Variants in SNTG1 observed in about 807,000 individuals in gnomAD.
SNTG1 encodes the protein gamma-1-syntrophin.
SNTG1 carries 39 observed loss-of-function variants against 74.7 expected under a neutral mutation model. The observed-to-expected ratio is 0.52, with a 90% CI of 0.40 to 0.68. The LOEUF is 0.68. Among genes scored for constraint, SNTG1 ranks in the 30% least tolerant of loss-of-function variants. The pLI is 0.00. For synonymous variants in SNTG1, 254 were observed against 217.1 expected (o/e 1.17, Z -1.49); for missense variants, 685 against 609.5 (o/e 1.12, Z -1.30).
In SNTG1 at chr8:49,937,356, C is replaced by T. The variant is rs1019303838; in HGVS notation, c.-103+25125C>T. ...GAGAAAGGGATGACATAGAGGCCTG[C>T]GGGGACTTTTAGGGGTGGGGTTCAG... is the stretch of plus-strand genomic sequence containing the variant. On this transcript the variant is annotated intron_variant, in intron 1 of 18. Transcript: ENST00000642720. 4.6e-5 allele frequency among the ~76,000 whole-genome samples: 7 copies of T among 152,208 alleles called. 1 individual carries two copies. Among genetic ancestry groups the T allele is most frequent in the Middle Eastern group, 3.4e-3 (1 of 294 alleles).
chr8:50,755,152 T>G (rs1409648928), intron 18 of SNTG1, among the ~76,000 whole-genome samples: 1 of 151,794 alleles, frequency 6.6e-6, no homozygotes, highest in Non-Finnish European at 1.5e-5. Flanking sequence ...AGTTGACTCT[T>G]GGTGTTGCAT....
chr8:50,138,293 T>G (rs1173989499), intron 1 of SNTG1, among the ~76,000 whole-genome samples: 2 of 151,894 alleles, frequency 1.3e-5, no homozygotes, highest in Non-Finnish European at 2.9e-5. Context: ...TAATTCAGCA[T>G]GATGCCACTG....
intron 2 of SNTG1, among the ~76,000 whole-genome samples, chr8:50,295,793 G>A (rs1332653829): frequency 6.6e-6 from 1 of 152,134 alleles, no homozygotes; most frequent in Non-Finnish European, 1.5e-5. Context: ...CATATGATGT[G>A]TACTGAACAT....
intron 2 of SNTG1, among the ~76,000 whole-genome samples, chr8:50,192,134 A>G (rs1247856368): frequency 6.6e-6 from 1 of 152,152 alleles, no homozygotes; most frequent in Non-Finnish European, 1.5e-5. Flanking sequence ...TGAGTGCAGC[A>G]CAAGAAAGCC....
intron 1 of SNTG1, among the ~76,000 whole-genome samples, chr8:50,070,217 G>A (rs543792778): frequency 6.6e-6 from 1 of 152,170 alleles, no homozygotes; most frequent in East Asian, 1.9e-4. Context: ...TAGCTCAGAC[G>A]TGTTATTCAA....
chr8:50,375,273 G>T (rs537511377), intron 2 of SNTG1, among the ~76,000 whole-genome samples: 1 of 152,144 alleles, frequency 6.6e-6, no homozygotes, highest in Non-Finnish European at 1.5e-5. Context: ...TCAGGCACAT[G>T]GTTGGGCACA....
rs376141505 is a variant in SNTG1 at position 50,646,347 on chromosome 8, C to T, written c.850-10562C>T. On this transcript the variant is annotated intron_variant, in intron 13 of 18. Transcript: ENST00000642720. The stretch of plus-strand genomic sequence containing the variant: ...CCACCCCTAAAGTTTCTTTTGAATT[C>T]AGTAGGTCTGGGTTAAGACCTGAGA... 3.0e-3 allele frequency among the ~76,000 whole-genome samples: 464 copies of T among 152,248 alleles called. 3 individuals are homozygous for T. Among genetic ancestry groups the T allele is most frequent in the African/African-American group, 0.011 (447 of 41,544 alleles).
chr8:50,491,581 G>A (rs570175872), intron 8 of SNTG1: 2 of 152,386 alleles, frequency 1.3e-5, no homozygotes, highest in East Asian at 1.9e-4. Flanking sequence ...GCCCATCGGA[G>A]TACGTGCGCA....
At chr8:50,085,860 C>T (rs1322231234) in intron 1 of SNTG1, among the ~76,000 whole-genome samples, 1 of 152,184 alleles carries the variant, frequency 6.6e-6, no homozygotes, top group Non-Finnish European at 1.5e-5. Context: ...GATGCCCAAG[C>T]CTTGTGTTGG....
intron 1 of SNTG1, among the ~76,000 whole-genome samples, chr8:49,991,364 A>G (rs1563440570): frequency 1.3e-5 from 2 of 152,186 alleles, no homozygotes; most frequent in Non-Finnish European, 2.9e-5. Flanking sequence ...TGGTGCAGCC[A>G]TCTGTGAAAA....
At chr8:50,374,079 A>G (rs1265630153) in intron 2 of SNTG1, among the ~76,000 whole-genome samples, 2 of 152,224 alleles carry the variant, frequency 1.3e-5, no homozygotes, top group Non-Finnish European at 2.9e-5. Flanking sequence ...AGCTTGTTAG[A>G]AGACCTATTT....
chr8:50,012,733 G>T (rs1815929471), intron 1 of SNTG1, among the ~76,000 whole-genome samples: 1 of 152,112 alleles, frequency 6.6e-6, no homozygotes, highest in Admixed American at 6.6e-5. Flanking sequence ...AAGGGGAGCT[G>T]TGGGCAAGAG....
At chr8:50,734,021 T>C (rs934226560) in intron 17 of SNTG1, among the ~76,000 whole-genome samples, 9 of 151,806 alleles carry the variant, frequency 5.9e-5, no homozygotes, top group Admixed American at 2.6e-4. Flanking sequence ...TACTTTACTT[T>C]TTGAAATATG....
At chr8:50,233,790 C>A (rs568715517) in intron 2 of SNTG1, among the ~76,000 whole-genome samples, 59 of 151,526 alleles carry the variant, frequency 3.9e-4, no homozygotes, top group African/African-American at 1.4e-3. Context: ...CAAATAAGCA[C>A]CTGATAGAAT....
At chr8:50,777,486 C>G (rs905058559) in intron 18 of SNTG1, among the ~76,000 whole-genome samples, 9 of 150,108 alleles carry the variant, frequency 6.0e-5, no homozygotes, top group Admixed American at 2.7e-4. Context: ...TTATTTCTTC[C>G]TAGGGTTTCT....
At chr8:50,108,646 G>T (rs774074539) in intron 1 of SNTG1, among the ~76,000 whole-genome samples, 25 of 152,114 alleles carry the variant, frequency 1.6e-4, no homozygotes, top group Non-Finnish European at 7.4e-5. Context: ...TTCTTTCTTT[G>T]TGATTTTCTT....
intron 17 of SNTG1, among the ~76,000 whole-genome samples, chr8:50,745,267 C>G (rs2095552602): frequency 6.6e-6 from 1 of 151,930 alleles, no homozygotes; most frequent in Admixed American, 6.6e-5. Flanking sequence ...AGAATATATA[C>G]AAATGGCCAG....
intron 2 of SNTG1, among the ~76,000 whole-genome samples, chr8:50,327,221 C>T (rs1356615997): frequency 6.6e-6 from 1 of 152,106 alleles, no homozygotes; most frequent in Non-Finnish European, 1.5e-5. Context: ...AAGCTTACTG[C>T]CTTTATGTTT....
At chr8:50,362,251 G>C (rs933996590) in intron 2 of SNTG1, among the ~76,000 whole-genome samples, 8 of 152,094 alleles carry the variant, frequency 5.3e-5, no homozygotes, top group Admixed American at 4.6e-4. Context: ...TTAGACCCTT[G>C]ACTGAGAATG....
Sources: allele counts gnomAD v4.1 joint callset (sites outside exome capture counted in the v4.1 genomes callset), GRCh38; gene constraint gnomAD v4.1.1; transcripts MANE v1.5; gene names NCBI Gene and HGNC (gene_info 2026-07-23, HGNC 2026-07-21).